Variants in IHO1 observed in about 807,000 individuals in gnomAD.
IHO1 encodes interactor of HORMAD1 protein 1.
In IHO1, 13 loss-of-function variants were observed where a neutral mutation model predicts 31.0. The ratio of observed to expected loss-of-function variants is 0.42; its 90% CI spans 0.27 to 0.67. The LOEUF is 0.67. IHO1 is among the 30% of genes least tolerant of loss of function. The pLI is 0.24. For missense variants in IHO1, 599 were observed against 687.5 expected (o/e 0.87, Z 1.44); for synonymous variants, 221 against 248.4 (o/e 0.89, Z 1.04).
intron 2 of IHO1, among the ~76,000 whole-genome samples, chr3:49,213,486 C>T (rs1022113714): frequency 2.6e-5 from 4 of 152,264 alleles, no homozygotes; most frequent in African/African-American, 9.6e-5. Context: ...CTAGTGGATC[C>T]TGCACTGGGG....
At chr3:49,195,336 C>A (rs911046352), upstream of IHO1, among the ~76,000 whole-genome samples, 1 of 151,428 alleles carries the variant, frequency 6.6e-6, no homozygotes, top group African/African-American at 2.4e-5. Flanking sequence ...GCAGGGGAAT[C>A]GCTTGAACCT....
At chr3:49,250,165 C>T (rs141506166) in intron 6 of IHO1, among the ~76,000 whole-genome samples, 30 of 152,142 alleles carry the variant, frequency 2.0e-4, no homozygotes, top group Admixed American at 5.9e-4. Flanking sequence ...GATATGCACA[C>T]GTATTAATGT....
chr3:49,224,835 G>A (rs891529769), intron 2 of IHO1, among the ~76,000 whole-genome samples: 2 of 152,220 alleles, frequency 1.3e-5, no homozygotes, highest in African/African-American at 4.8e-5. Context: ...GAGAAAAGTG[G>A]CAGGGTTGAG....
intron 6 of IHO1, among the ~76,000 whole-genome samples, chr3:49,254,098 T>G (rs36114251): frequency 2.6e-5 from 4 of 152,186 alleles, no homozygotes; most frequent in African/African-American, 9.6e-5. Flanking sequence ...CCTGCCAAAG[T>G]GCTGGGATTA....
intron 2 of IHO1, among the ~76,000 whole-genome samples, chr3:49,224,991 T>C (rs1575574953): frequency 6.6e-6 from 1 of 152,190 alleles, no homozygotes; most frequent in Non-Finnish European, 1.5e-5. Context: ...ATTCTTTCCT[T>C]GTATTATTTT....
intron 2 of IHO1, among the ~76,000 whole-genome samples, chr3:49,220,865 C>CAAAAAAT (rs962629061): frequency 6.6e-6 from 1 of 151,992 alleles, no homozygotes. Context: ...AAGACTCCAT[C>CAAAAAAT]AAAAAATAAA....
intron 1 of IHO1, among the ~76,000 whole-genome samples, chr3:49,206,534 G>A (rs1335145183): frequency 1.3e-5 from 2 of 152,152 alleles, no homozygotes; most frequent in African/African-American, 4.8e-5. Context: ...CGGCCCAGAG[G>A]TCACTTTAAT....
intron 3 of IHO1, 33 bp from the exon 4 acceptor site, chr3:49,241,193 T>C: frequency 6.5e-7 from 1 of 1,533,184 alleles, no homozygotes; most frequent in Non-Finnish European, 8.8e-7. Flanking sequence ...TATTTTTATG[T>C]GTGAAATGCT....
chr3:49,240,815 A>G (rs1471224110), intron 3 of IHO1, among the ~76,000 whole-genome samples: 1 of 152,234 alleles, frequency 6.6e-6, no homozygotes, highest in Non-Finnish European at 1.5e-5. Flanking sequence ...CAGCATGCCC[A>G]CTGTCCAGTC....
At chr3:49,202,143 T>TG (rs762259421) in intron 1 of IHO1, among the ~76,000 whole-genome samples, 3 of 151,990 alleles carry the variant, frequency 2.0e-5, no homozygotes, top group Non-Finnish European at 4.4e-5. Context: ...CTAGTAAACA[T>TG]GGATATCTGT....
intron 1 of IHO1, chr3:49,200,443 C>A (rs1462117606): frequency 2.4e-5 from 8 of 335,690 alleles, no homozygotes; most frequent in East Asian, 2.4e-4. Flanking sequence ...CCAGCCTGGG[C>A]GACAGAGTGA....
rs762347860 is a variant in IHO1, at chr3:49,257,195, A to C, written c.1698A>C (p.Gly566=). Residue 566 remains glycine (G), a synonymous_variant, in exon 8 of 8, where the codon GGA becomes GGC. Transcript: ENST00000452691. The part of the protein sequence containing the change: ...QMSWFSDLNL[G]CSETPLCKEA... ...GCTGGTTCAGTGACCTCAATCTCGG[A>C]TGTTCAGAGACCCCTCTATGCAAGG... 1.2e-5 allele frequency: 19 copies of C among 1,614,078 alleles called. No homozygotes were observed. In the Admixed American group the frequency reaches 2.7e-4, roughly 23 times the overall value.
At chr3:49,218,979 A>G (rs1209615140) in intron 2 of IHO1, among the ~76,000 whole-genome samples, 4 of 152,198 alleles carry the variant, frequency 2.6e-5, no homozygotes, top group African/African-American at 9.7e-5. Flanking sequence ...ATGCCATTGC[A>G]TTCCAGCCTG....
intron 5 of IHO1, 87 bp downstream of exon 5, chr3:49,244,539 G>C (rs2046672491): frequency 1.5e-6 from 2 of 1,290,680 alleles, no homozygotes; most frequent in Middle Eastern, 2.0e-4. Flanking sequence ...AGTTAATGTA[G>C]AATAGCAATA....
upstream of IHO1, among the ~76,000 whole-genome samples, chr3:49,197,570 A>T (rs1265456696): frequency 6.6e-6 from 1 of 152,120 alleles, no homozygotes. Flanking sequence ...CCTCTGAAAC[A>T]CTGCCATCAA....
At chr3:49,220,338 G>C (rs2107698116) in intron 2 of IHO1, among the ~76,000 whole-genome samples, 1 of 152,362 alleles carries the variant, frequency 6.6e-6, no homozygotes, top group Admixed American at 6.5e-5. Context: ...TAGTGCCGCA[G>C]TAGATTTGTG....
At chr3:49,200,575 C>T (rs2046057339) in intron 1 of IHO1, 1 of 984,598 alleles carries the variant, frequency 1.0e-6, no homozygotes, top group Non-Finnish European at 1.2e-6. Context: ...GTAGTCCATG[C>T]CAATCGGGGC....
chr3:49,236,847 T>A, intron 3 of IHO1, 125 bp downstream of exon 3: 1 of 828,800 alleles, frequency 1.2e-6, no homozygotes, highest in South Asian at 2.2e-5. Context: ...TTGGGGAGGC[T>A]GAGGCAAGTG....
chr3:49,256,687 A>G lies in IHO1; in HGVS notation c.1190A>G (p.Glu397Gly). ...GGAGCCTCACAGCTCACATCATTGG[A>G]GATAAACTTTTCAACCAGCATTAAG... is the stretch of plus-strand genomic sequence containing the variant. ...SQGASQLTSL[E>G]INFSTSIKNA... is the part of the protein sequence containing the mutation. Residue 397 changes from glutamate (E) to glycine (G), a missense_variant, in exon 8 of 8, where the codon GAG (glutamate) becomes GGG (glycine). Physicochemically the swap from Glu to Gly is moderately conservative, Grantham distance 98. Coordinates refer to ENST00000452691, the MANE Select transcript of IHO1 (RefSeq NM_001135197.2). This position sits in a 1 kb window ranked among gnomAD's most constrained non-coding sequence, Gnocchi z 4.6. 1 of 1,614,212 alleles carries G rather than the reference A, an allele frequency of 6.2e-7. No individual in the cohort carries two copies. Among genetic ancestry groups the G allele is most frequent in the Non-Finnish European group, 8.5e-7 (1 of 1,180,042 alleles).
Sources: gnomAD v4.1 joint callset for allele counts (sites outside exome capture counted in the v4.1 genomes callset) on GRCh38, gnomAD v4.1.1 for gene constraint, Gnocchi (gnomAD v3.1) non-coding constraint, MANE v1.5 for transcripts, NCBI Gene and HGNC (gene_info 2026-07-23, HGNC 2026-07-21) for gene names.